RNLS: variants seen among roughly 807,000 people sequenced by gnomAD.
RNLS encodes the protein renalase.
RNLS carries 39 observed loss-of-function variants against 39.8 expected under a neutral mutation model. The ratio of observed to expected loss-of-function variants is 0.98; its 90% CI spans 0.76 to 1.28. The LOEUF (loss-of-function observed/expected upper bound fraction) is 1.28. RNLS is among the 50% of genes most tolerant of loss of function. The pLI, the probability that RNLS is intolerant of heterozygous loss-of-function variation, is 0.00. For missense variants in RNLS, 410 were observed against 413.3 expected (o/e 0.99, Z 0.07); for synonymous variants, 147 against 150.7 (o/e 0.98, Z 0.18).
chr10:88,388,537 C>T (rs1457970193), intron 4 of RNLS, among the ~76,000 whole-genome samples: 1 of 152,154 alleles, frequency 6.6e-6, no homozygotes, highest in African/African-American at 2.4e-5. Context: ...ACAGCACAGT[C>T]TTTCCAGCTG....
chr10:88,447,399 C>G (rs775863555), intron 4 of RNLS, among the ~76,000 whole-genome samples: 1 of 152,096 alleles, frequency 6.6e-6, no homozygotes, highest in Non-Finnish European at 1.5e-5. Flanking sequence ...TGAATGAACT[C>G]CCATTCACAA....
At chr10:88,357,734 A>C (rs1242718684) in intron 5 of RNLS, among the ~76,000 whole-genome samples, 1 of 152,200 alleles carries the variant, frequency 6.6e-6, no homozygotes, top group Non-Finnish European at 1.5e-5. Flanking sequence ...GAATGTGAGC[A>C]CACTTGAGGT....
chr10:88,490,404 T>C (rs549096068), intron 4 of RNLS, among the ~76,000 whole-genome samples: 1 of 152,250 alleles, frequency 6.6e-6, no homozygotes, highest in South Asian at 2.1e-4. Flanking sequence ...GCTCTAAACA[T>C]AAAAGAATGT....
At chr10:88,503,219 A>G (rs1845600278) in intron 4 of RNLS, among the ~76,000 whole-genome samples, 1 of 152,174 alleles carries the variant, frequency 6.6e-6, no homozygotes, top group African/African-American at 2.4e-5. Flanking sequence ...TGTATCTACT[A>G]AAAATACAAA....
At chr10:88,547,711 C>T (rs758082729) in intron 4 of RNLS, among the ~76,000 whole-genome samples, 1 of 152,076 alleles carries the variant, frequency 6.6e-6, no homozygotes, top group Non-Finnish European at 1.5e-5. Context: ...TGTTGCATTG[C>T]ATGGGGATCA....
At chr10:88,489,698 C>G (rs918302360) in intron 4 of RNLS, among the ~76,000 whole-genome samples, 1 of 152,136 alleles carries the variant, frequency 6.6e-6, no homozygotes, top group Non-Finnish European at 1.5e-5. Flanking sequence ...GTGACAGAGA[C>G]GCACATGTCA....
At position 88,491,957 on chromosome 10, in the gene RNLS, G is replaced by GT. The variant is rs1248792392; in HGVS notation, c.526+80945dup. Among the ~76,000 whole-genome samples the GT allele has an allele frequency of 6.2e-3, 797 of 129,392 alleles. 5 individuals are homozygous for GT. The highest frequency in any genetic ancestry group is 0.028 in the East Asian group (129 of 4,582). The allele number at this position is 129,392 out of a possible 152,430, so 84.9% of individuals were successfully genotyped here. On this transcript the variant is annotated intron_variant, in intron 4 of 6. Coordinates refer to ENST00000331772, the MANE Select transcript of RNLS (RefSeq NM_001031709.3). ...GGGTATTAGGGAGAAAAAGAGTTTT[G>GT]TTTTTTTTTTTTTTTTTAGGGGTAA... is the stretch of plus-strand genomic sequence containing the variant.
In RNLS at chr10:88,546,449, G is replaced by C. The variant is rs1374243279; in HGVS notation, c.526+26454C>G. 2.6e-5 allele frequency among the ~76,000 whole-genome samples: 4 copies of C among 152,058 alleles called. No homozygotes were observed. In the East Asian group the frequency reaches 7.7e-4, roughly 29 times the overall value. ...AATAATGGTGACTCTTAAAAACTCTGAAAAGTTAATACAAAGAGTTCCCTG... is the reference window on the plus strand; with the variant it reads ...AATAATGGTGACTCTTAAAAACTCTCAAAAGTTAATACAAAGAGTTCCCTG... On this transcript the variant is annotated intron_variant, in intron 4 of 6. Coordinates refer to ENST00000331772, the MANE Select transcript of RNLS (RefSeq NM_001031709.3).
chr10:88,402,536 G>A (rs546758064), intron 4 of RNLS, among the ~76,000 whole-genome samples: 26 of 151,900 alleles, frequency 1.7e-4, no homozygotes, highest in African/African-American at 5.5e-4. Flanking sequence ...CTAATAAATC[G>A]TTGGGGTTTC....
chr10:88,348,953 TGC>T (rs1848494083), intron 5 of RNLS, among the ~76,000 whole-genome samples: 13 of 152,162 alleles, frequency 8.5e-5, no homozygotes, highest in Admixed American at 8.5e-4. Context: ...CTTACTTGAC[TGC>T]AAATTACGAG....
chr10:88,291,940 T>C (rs1035796), intron 6 of RNLS, among the ~76,000 whole-genome samples: 88,853 of 151,936 alleles, frequency 0.58, 26,464 homozygotes, highest in Non-Finnish European at 0.63. Context: ...TACAGGCGTT[T>C]TAGCTACAAC....
chr10:88,561,403 A>G (rs1269920881), intron 4 of RNLS, among the ~76,000 whole-genome samples: 2 of 152,194 alleles, frequency 1.3e-5, no homozygotes, highest in Non-Finnish European at 2.9e-5. Flanking sequence ...TCAAGTATAT[A>G]TGGAATTTAA....
rs375672789 is a variant in RNLS, at chr10:88,376,342, T to C, written c.527-13617A>G. On this transcript the variant is annotated intron_variant, in intron 4 of 6. Transcript: ENST00000331772. The stretch of plus-strand genomic sequence containing the variant: ...GGAGAAAATAAGAATAGGCACCTCA[T>C]AGAAAAATTTACCTCTATTTCAAAT... 5.1e-4 allele frequency among the ~76,000 whole-genome samples: 78 copies of C among 152,284 alleles called. 1 individual carries two copies. In the South Asian group the frequency reaches 0.015, roughly 29 times the overall value.
intron 4 of RNLS, among the ~76,000 whole-genome samples, chr10:88,492,567 C>T (rs1844949607): frequency 6.6e-6 from 1 of 151,742 alleles, no homozygotes; most frequent in Non-Finnish European, 1.5e-5. Context: ...TAAAGGTGTG[C>T]ACCACCATGC....
the RNLS span, among the ~76,000 whole-genome samples, chr10:88,223,151 C>T: frequency 6.6e-6 from 1 of 152,244 alleles, no homozygotes; most frequent in Non-Finnish European, 1.5e-5. Flanking sequence ...TTCAGTCTCA[C>T]AATCTCCCCC....
intron 4 of RNLS, among the ~76,000 whole-genome samples, chr10:88,552,318 G>A (rs956750567): frequency 2.0e-5 from 3 of 152,178 alleles, no homozygotes; most frequent in African/African-American, 7.2e-5. Context: ...GAAGATAAGT[G>A]CAACAGACAT....
Position 88,370,208 on chromosome 10 carries a change from T to C in RNLS, c.527-7483A>G, listed in dbSNP as rs1320800550. 2.6e-5 allele frequency among the ~76,000 whole-genome samples: 4 copies of C among 152,140 alleles called. No individual in the cohort carries two copies. In the East Asian group the frequency reaches 7.7e-4, roughly 29 times the overall value. On this transcript the variant is annotated intron_variant, in intron 4 of 6. Coordinates refer to ENST00000331772, the MANE Select transcript of RNLS (RefSeq NM_001031709.3). ...AAGAATATTTTGCAATTTATAAAGG[T>C]CTATTTTTTCATAAGTAAATAAGGT...
chr10:88,492,247 C>T (rs1410020551), intron 4 of RNLS, among the ~76,000 whole-genome samples: 2 of 151,916 alleles, frequency 1.3e-5, no homozygotes, highest in African/African-American at 2.4e-5. Context: ...AAAGATGTTC[C>T]ACTGTGTTTT....
chr10:88,442,574 T>G (rs1157793419), intron 4 of RNLS, among the ~76,000 whole-genome samples: 2 of 152,176 alleles, frequency 1.3e-5, no homozygotes, highest in Non-Finnish European at 2.9e-5. Flanking sequence ...TGTTTTTATT[T>G]TACAGGTCTC....
Sources: allele counts gnomAD v4.1 joint callset (sites outside exome capture counted in the v4.1 genomes callset), GRCh38; gene constraint gnomAD v4.1.1; transcripts MANE v1.5; gene names NCBI Gene and HGNC (gene_info 2026-07-23, HGNC 2026-07-21).